The following ASTN2 variants were observed in gnomAD, a reference collection of about 807,000 sequenced individuals.
ASTN2 encodes the protein astrotactin 2.
A neutral mutation model predicts 139.8 loss-of-function variants in ASTN2; 54 were observed. The ratio of observed to expected loss-of-function variants is 0.39; its 90% CI spans 0.31 to 0.48. The LOEUF is 0.48. Among genes scored for constraint, ASTN2 ranks in the 20% least tolerant of loss-of-function variants. ASTN2 has a pLI of 0.95. For missense variants in ASTN2, 1,565 were observed against 1,725.1 expected (o/e 0.91, Z 1.64); for synonymous variants, 756 against 719.5 (o/e 1.05, Z -0.81).
intron 10 of ASTN2, among the ~76,000 whole-genome samples, chr9:116,928,335 C>T (rs990046428): frequency 6.6e-6 from 1 of 151,954 alleles, no homozygotes; most frequent in African/African-American, 2.4e-5. Context: ...TTAACCATTA[C>T]AGTATAATAT....
At chr9:116,976,072 T>C (rs903656537) in intron 9 of ASTN2, 42 bp downstream of exon 9, 1 of 1,588,010 alleles carries the variant, frequency 6.3e-7, no homozygotes. Context: ...CAGTCCTTTC[T>C]CCATTTCCCA....
intron 12 of ASTN2, among the ~76,000 whole-genome samples, chr9:116,808,804 A>G (rs150985993): frequency 3.2e-4 from 49 of 152,248 alleles, no homozygotes; most frequent in African/African-American, 1.1e-3. Flanking sequence ...GGGAGATCCT[A>G]TTTTTCTACA....
chr9:117,026,013 C>T (rs1351105697), intron 6 of ASTN2, among the ~76,000 whole-genome samples: 1 of 152,086 alleles, frequency 6.6e-6, no homozygotes, highest in African/African-American at 2.4e-5. Flanking sequence ...ATTCTGCCCA[C>T]CTCAGCCTCC....
rs1277173648 is a variant in ASTN2, at chr9:116,699,465, T to A, written c.2806+26306A>T. Reference sequence around the variant, plus strand: ...CCACTTCTTCTCGGAGAATGAGGATTTCCGCTGCATTGCTGGCATGTGTGT... The same window carrying A: ...CCACTTCTTCTCGGAGAATGAGGATATCCGCTGCATTGCTGGCATGTGTGT... On this transcript the variant is annotated intron_variant, in intron 16 of 22. Coordinates refer to ENST00000313400, the MANE Select transcript of ASTN2 (RefSeq NM_001365068.1). This position sits in a 1 kb window ranked among gnomAD's most constrained non-coding sequence, Gnocchi z 4.2. The A allele has an allele frequency of 6.2e-7, 1 of 1,614,182 alleles. No individual in the cohort carries two copies. Among genetic ancestry groups the A allele is most frequent in the Non-Finnish European group, 8.5e-7 (1 of 1,180,026 alleles).
chr9:116,730,873 C>G (rs1828758960), intron 14 of ASTN2, among the ~76,000 whole-genome samples: 1 of 152,218 alleles, frequency 6.6e-6, no homozygotes, highest in Non-Finnish European at 1.5e-5. Flanking sequence ...CCTTCCATCT[C>G]TGCTCATTCC....
chr9:116,682,086 G>A (rs1189618692), intron 16 of ASTN2, among the ~76,000 whole-genome samples: 1 of 151,470 alleles, frequency 6.6e-6, no homozygotes, highest in Non-Finnish European at 1.5e-5. Flanking sequence ...GAGTGAACAG[G>A]CAACCTACAA....
In ASTN2 at chr9:117,374,066, G is replaced by A. The variant is rs141846846; in HGVS notation, c.442+40431C>T. On this transcript the variant is annotated intron_variant, in intron 1 of 22. Coordinates refer to ENST00000313400, the MANE Select transcript of ASTN2 (RefSeq NM_001365068.1). ...AAGCTTTAAGAATGAAGAAAGTGGG[G>A]GAAATACTTGCAACTGTTATGTGGC... 3.1e-3 allele frequency among the ~76,000 whole-genome samples: 465 copies of A among 152,200 alleles called. 3 individuals are homozygous for A. Among genetic ancestry groups the A allele is most frequent in the African/African-American group, 0.011 (437 of 41,534 alleles).
At chr9:117,040,665 G>A (rs976252715) in intron 5 of ASTN2, among the ~76,000 whole-genome samples, 6 of 152,082 alleles carry the variant, frequency 3.9e-5, no homozygotes, top group Admixed American at 3.9e-4. Flanking sequence ...CACCATGTTG[G>A]CCAGGCTGGT....
At position 117,349,818 on chromosome 9, in the gene ASTN2, G is replaced by A. The variant is rs543625270; in HGVS notation, c.443-58305C>T. On this transcript the variant is annotated intron_variant, in intron 1 of 22. Transcript: ENST00000313400. ...TCCCTGATATGATATGATACAATAT[G>A]ATAACAAAGGGACTTCACCTCTGGC... Among the ~76,000 whole-genome samples, 7 of 152,276 alleles carry A rather than the reference G, an allele frequency of 4.6e-5. No homozygotes were observed. In the South Asian group the frequency reaches 1.5e-3, roughly 32 times the overall value.
chr9:116,678,262 G>C (rs1859626845), intron 16 of ASTN2, among the ~76,000 whole-genome samples: 1 of 152,138 alleles, frequency 6.6e-6, no homozygotes, highest in Non-Finnish European at 1.5e-5. Flanking sequence ...AAGGCCTGGG[G>C]ACAAATGGAG....
At chr9:116,565,171 G>A (rs1348316694) in intron 19 of ASTN2, among the ~76,000 whole-genome samples, 1 of 147,898 alleles carries the variant, frequency 6.8e-6, no homozygotes, top group Non-Finnish European at 1.5e-5. Context: ...ATGTATATAT[G>A]ACTGAAATGC....
intron 5 of ASTN2, among the ~76,000 whole-genome samples, chr9:117,058,645 G>T (rs1839139746): frequency 6.6e-6 from 1 of 152,164 alleles, no homozygotes; most frequent in African/African-American, 2.4e-5. Flanking sequence ...GCATCTTTCT[G>T]AGCATTGGAG....
At chr9:117,263,987 CG>C (rs1181165200) in intron 2 of ASTN2, among the ~76,000 whole-genome samples, 1 of 151,776 alleles carries the variant, frequency 6.6e-6, no homozygotes, top group Non-Finnish European at 1.5e-5. Flanking sequence ...GGCAACGCAG[CG>C]AAATCCCATC....
intron 2 of ASTN2, among the ~76,000 whole-genome samples, chr9:117,266,659 AT>A (rs1187839951): frequency 1.3e-5 from 2 of 152,128 alleles, no homozygotes; most frequent in Admixed American, 6.5e-5. Flanking sequence ...ATAAGTGTGC[AT>A]TTTTTCTCCT....
At chr9:116,911,418 A>G (rs560051469) in intron 10 of ASTN2, among the ~76,000 whole-genome samples, 2 of 152,342 alleles carry the variant, frequency 1.3e-5, no homozygotes, top group East Asian at 3.9e-4. Flanking sequence ...TCTGGCCAGA[A>G]AAAAACTAAG....
chr9:117,215,248 C>A (rs1832276182), intron 2 of ASTN2, among the ~76,000 whole-genome samples: 1 of 152,100 alleles, frequency 6.6e-6, no homozygotes, highest in African/African-American at 2.4e-5. Context: ...CAGTAGTAGG[C>A]TGTCTTACAT....
At chr9:116,794,934 G>T (rs1381171821) in intron 13 of ASTN2, among the ~76,000 whole-genome samples, 1 of 152,098 alleles carries the variant, frequency 6.6e-6, no homozygotes. Context: ...TGGGCAAGTG[G>T]CACTTCTATG....
At chr9:116,579,468 C>A (rs1853860370) in intron 19 of ASTN2, among the ~76,000 whole-genome samples, 1 of 152,158 alleles carries the variant, frequency 6.6e-6, no homozygotes. Flanking sequence ...CAAACACCAC[C>A]CCTCCGAAGC....
chr9:116,451,940 CCTTTCTTTT>C (rs960882795), intron 20 of ASTN2, among the ~76,000 whole-genome samples: 4 of 151,806 alleles, frequency 2.6e-5, no homozygotes, highest in Admixed American at 6.6e-5. Flanking sequence ...ACTGTGTTTG[CCTTTCTTTT>C]CTTGGTCTTC....
Sources: allele counts gnomAD v4.1 joint callset (sites outside exome capture counted in the v4.1 genomes callset), GRCh38; gene constraint gnomAD v4.1.1; non-coding constraint Gnocchi (gnomAD v3.1); transcripts MANE v1.5; gene names NCBI Gene and HGNC (gene_info 2026-07-23, HGNC 2026-07-21).